FUS: variants seen among roughly 807,000 people sequenced by gnomAD.
FUS encodes RNA-binding protein FUS.
FUS carries 5 observed loss-of-function variants against 82.7 expected under a neutral mutation model. That is an observed-to-expected ratio of 0.06 (90% CI 0.03 to 0.13). FUS has a LOEUF of 0.13. Among genes scored for constraint, FUS ranks in the 10% least tolerant of loss-of-function variants. FUS has a pLI of 1.00. For synonymous variants in FUS, 281 were observed against 247.4 expected (o/e 1.14, Z -1.27); for missense variants, 512 against 707.8 (o/e 0.72, Z 3.14).
intron 1 of FUS, among the ~76,000 whole-genome samples, chr16:31,180,517 A>T (rs2058039686): frequency 6.6e-6 from 1 of 151,860 alleles, no homozygotes; most frequent in Non-Finnish European, 1.5e-5. Flanking sequence ...GAGGGTGGAA[A>T]ACGCCCATTC....
At chr16:31,191,208 G>T in intron 14 of FUS, 98 bp downstream of exon 14, 1 of 1,538,056 alleles carries the variant, frequency 6.5e-7, no homozygotes, top group Non-Finnish European at 8.9e-7. Context: ...TGAGGGCTAG[G>T]TGGAAAGACC....
intron 1 of FUS, among the ~76,000 whole-genome samples, chr16:31,181,703 C>T: frequency 6.6e-6 from 1 of 152,142 alleles, no homozygotes; most frequent in East Asian, 1.9e-4. Context: ...GGTAGTTCTG[C>T]GACGTTGGGA....
intron 1 of FUS, among the ~76,000 whole-genome samples, chr16:31,181,125 G>A (rs900792579): frequency 6.6e-6 from 1 of 152,188 alleles, no homozygotes; most frequent in African/African-American, 2.4e-5. Context: ...ATGTTGGTCA[G>A]GCTGGTCTCG....
intron 7 of FUS, chr16:31,187,959 T>C (rs2079294652): frequency 2.9e-6 from 1 of 349,094 alleles, no homozygotes; most frequent in Non-Finnish European, 5.3e-6. Context: ...CCATCTCTCT[T>C]CTCTCGGGTG....
At chr16:31,186,711 C>T in intron 6 of FUS, 91 bp from the exon 7 acceptor site, 1 of 1,223,788 alleles carries the variant, frequency 8.2e-7, no homozygotes, top group East Asian at 2.3e-5. Flanking sequence ...AAACACCTAC[C>T]CATGTTTGGG....
chr16:31,193,431 T>TAG (rs748261331), downstream of FUS: 2 of 527,690 alleles, frequency 3.8e-6, no homozygotes, highest in Middle Eastern at 5.2e-4. Context: ...AATGGCCTGA[T>TAG]ACGATATTTG....
At chr16:31,193,979 C>G, downstream of FUS, 1 of 532,532 alleles carries the variant, frequency 1.9e-6, no homozygotes, top group Non-Finnish European at 3.6e-6. Flanking sequence ...TGATTGAAAT[C>G]TGTCTTGAAG....
chr16:31,193,818 A>G (rs1342001846), downstream of FUS: 4 of 501,492 alleles, frequency 8.0e-6, no homozygotes, highest in South Asian at 6.6e-5. Flanking sequence ...TTTTTTAATT[A>G]CTTTTTTTTT....
At position 31,185,069 on chromosome 16, in the gene FUS, G is replaced by GGGTGGCAGT. The variant is rs778345700; in HGVS notation, c.661_669dup (p.Ser221_Gly223dup). On this transcript the variant is annotated inframe_insertion, in exon 6 of 15. Coordinates refer to ENST00000254108, the MANE Select transcript of FUS (RefSeq NM_004960.4). ...AGCAGGACCGTGGAGGCCGCGGCAG[G>GGGTGGCAGT]GGTGGCAGTGGTGGCGGCGGCGGCG... The GGGTGGCAGT allele has an allele frequency of 7.4e-6, 12 of 1,610,782 alleles. No individual in the cohort carries two copies. Among genetic ancestry groups the GGGTGGCAGT allele is most frequent in the East Asian group, 4.5e-5 (2 of 44,778 alleles).
chr16:31,190,545 G>C (rs1208020311), intron 12 of FUS, 147 bp downstream of exon 12: 1 of 1,314,286 alleles, frequency 7.6e-7, no homozygotes, highest in East Asian at 2.3e-5. Flanking sequence ...ACCTAGGTAA[G>C]GTTGATGTAA....
chr16:31,181,092 C>T (rs1362868219), intron 1 of FUS, among the ~76,000 whole-genome samples: 1 of 152,046 alleles, frequency 6.6e-6, no homozygotes. Context: ...TTTTGTGTTT[C>T]TTAGTAGGGG....
rs769882255 is a variant in FUS, at chr16:31,185,052, C to T, written c.637C>T (p.Arg213Cys). The change falls in exon 6 of 15, where the codon CGT (arginine) becomes TGT (cysteine). Residue 213 changes from arginine to cysteine, a missense_variant. Transcript: ENST00000254108. ...CAGCGGTGGCTATGGACAGCAGGAC[C>T]GTGGAGGCCGCGGCAGGGGTGGCAG... ...GGSGGYGQQD[R>C]GGRGRGGSGG... 2.4e-5 allele frequency: 39 copies of T among 1,611,710 alleles called. No individual in the cohort carries two copies. The highest frequency in any genetic ancestry group is 3.1e-5 in the Non-Finnish European group (37 of 1,178,976).
In FUS at chr16:31,191,100, A is replaced by G. The variant is rs771109274; in HGVS notation, c.1531A>G (p.Met511Val). ...GDRGGFGPGK[M>V]DSRGEHRQDR... is the part of the protein sequence containing the mutation. ...CAGAGGTGGCTTTGGCCCTGGCAAG[A>G]TGGATTCCAGGTAAGACTTTAAATC... Residue 511 changes from methionine (M) to valine (V), a missense_variant, in exon 14 of 15, where the codon ATG becomes GTG. By Grantham distance (21) the Met-to-Val change is conservative (BLOSUM62 1). Transcript: ENST00000254108. The G allele has an allele frequency of 1.9e-6, 3 of 1,612,782 alleles. No homozygotes were observed. Among genetic ancestry groups the G allele is most frequent in the Admixed American group, 1.7e-5 (1 of 59,998 alleles).
downstream of FUS, chr16:31,191,963 CAA>C (rs2079368120): frequency 1.9e-6 from 1 of 533,314 alleles, no homozygotes; most frequent in Non-Finnish European, 3.6e-6. Flanking sequence ...GAGGCTCAAA[CAA>C]ACTACATTTA....
At chr16:31,194,601 G>A (rs758379096), downstream of FUS, 23 of 494,974 alleles carry the variant, frequency 4.6e-5, no homozygotes, top group South Asian at 3.1e-4. Context: ...TACTGTGTCC[G>A]GCTATGAAAA....
downstream of FUS, chr16:31,193,815 ATTAC>A (rs745705787): frequency 4.3e-5 from 22 of 509,718 alleles, 1 homozygote; most frequent in South Asian, 3.5e-4. Context: ...TTTTTTTTTA[ATTAC>A]TTTTTTTTTT....
intron 6 of FUS, chr16:31,186,013 C>T (rs1274230031): frequency 3.0e-5 from 7 of 236,588 alleles, no homozygotes; most frequent in East Asian, 1.2e-4. Flanking sequence ...ATTTTTAAAC[C>T]GAGTTTGGAA....
chr16:31,185,302 T>G lies in FUS; in HGVS notation c.764+123T>G. ...TTGTTGTCTAGGGATCTGTGAGGGC[T>G]TTGATTTGGGGGCAGTGACTTTCTT... is the stretch of plus-strand genomic sequence containing the variant. On this transcript the variant is annotated intron_variant, in intron 6 of 14. Coordinates refer to ENST00000254108, the MANE Select transcript of FUS (RefSeq NM_004960.4). 3.2e-6 allele frequency: 4 copies of G among 1,245,938 alleles called. No homozygotes were observed. In the Admixed American group the frequency reaches 8.5e-5, roughly 26 times the overall value. 77.2% of individuals were successfully genotyped at this position (1,245,938 alleles called of 1,614,324 possible). A position where few individuals can be genotyped will look rare whatever the true frequency, so the allele number is the denominator to read the frequency against.
downstream of FUS, chr16:31,192,026 G>T: frequency 1.9e-6 from 1 of 533,140 alleles, no homozygotes; most frequent in South Asian, 1.5e-5. Context: ...TAGCCACTCT[G>T]GGTCTTTCAC....
Sources: allele counts gnomAD v4.1 joint callset (sites outside exome capture counted in the v4.1 genomes callset), GRCh38; gene constraint gnomAD v4.1.1; transcripts MANE v1.5; gene names NCBI Gene and HGNC (gene_info 2026-07-23, HGNC 2026-07-21).